The following SNX29 variants were observed in gnomAD, a reference collection of about 807,000 sequenced individuals.
The protein encoded by SNX29 is sorting nexin-29.
In SNX29, 78 loss-of-function variants were observed where a neutral mutation model predicts 102.1. That is an observed-to-expected ratio of 0.76 (90% CI 0.64 to 0.92). SNX29 has a LOEUF of 0.92. Among genes scored for constraint, SNX29 ranks in the 40% least tolerant of loss-of-function variants. The probability of loss-of-function intolerance (pLI) is 0.00; values close to 1 mark genes in which losing one functional copy is unlikely to be tolerated. For missense variants in SNX29, 1,280 were observed against 1,061.7 expected (o/e 1.21, Z -2.86); for synonymous variants, 580 against 414.5 (o/e 1.40, Z -4.85).
intron 20 of SNX29, chr16:12,546,690 A>G (rs1165765272): frequency 6.6e-6 from 1 of 152,246 alleles, no homozygotes; most frequent in East Asian, 1.9e-4. Flanking sequence ...ATCCATCTAG[A>G]CCCACTGTGA....
intron 20 of SNX29, among the ~76,000 whole-genome samples, chr16:12,559,353 C>G (rs139949144): frequency 3.3e-5 from 5 of 151,806 alleles, no homozygotes; most frequent in South Asian, 4.2e-4. Flanking sequence ...ATGCTACTTA[C>G]GAGAATCTCA....
chr16:12,130,258 C>T (rs1253154231), intron 13 of SNX29, among the ~76,000 whole-genome samples: 11 of 148,524 alleles, frequency 7.4e-5, no homozygotes, highest in Non-Finnish European at 1.3e-4. Context: ...GGGTGGATCA[C>T]GAGGTCAGGA....
intron 20 of SNX29, among the ~76,000 whole-genome samples, chr16:12,531,870 C>T (rs754565172): frequency 1.1e-4 from 16 of 152,214 alleles, no homozygotes; most frequent in Non-Finnish European, 1.9e-4. Context: ...TTCTCCCAGG[C>T]ATGCCTCAGG....
intron 14 of SNX29, among the ~76,000 whole-genome samples, chr16:12,234,100 T>G (rs945386907): frequency 1.2e-4 from 18 of 152,240 alleles, no homozygotes; most frequent in Non-Finnish European, 2.1e-4. Flanking sequence ...TTCATTTCTC[T>G]CGGGTATAAC....
chr16:12,439,279 G>A (rs1208345059), intron 18 of SNX29, among the ~76,000 whole-genome samples: 1 of 152,162 alleles, frequency 6.6e-6, no homozygotes, highest in Admixed American at 6.5e-5. Flanking sequence ...TGACAAGATA[G>A]TGACACCTAA....
intron 19 of SNX29, among the ~76,000 whole-genome samples, chr16:12,508,558 T>G (rs1193424662): frequency 6.6e-6 from 1 of 152,240 alleles, no homozygotes; most frequent in Non-Finnish European, 1.5e-5. Context: ...GATCTGGATT[T>G]GCAGCTTCCC....
chr16:12,536,078 C>T (rs2077069686), intron 20 of SNX29, among the ~76,000 whole-genome samples: 1 of 152,162 alleles, frequency 6.6e-6, no homozygotes, highest in South Asian at 2.1e-4. Context: ...ATCTAACACA[C>T]CCAGGATGTT....
chr16:12,302,517 A>T (rs1309079098), intron 15 of SNX29, among the ~76,000 whole-genome samples: 4 of 152,214 alleles, frequency 2.6e-5, no homozygotes, highest in Non-Finnish European at 2.9e-5. Flanking sequence ...TTTGTGGTTC[A>T]TAGAGGGCAT....
intron 20 of SNX29, among the ~76,000 whole-genome samples, chr16:12,562,061 C>T (rs1216602074): frequency 2.0e-5 from 3 of 149,490 alleles, no homozygotes; most frequent in South Asian, 2.2e-4. Context: ...TGCCGTTTTC[C>T]TTCCCGTGTT....
At chr16:12,481,469 CATATATACACACAT>C (rs940824120) in intron 19 of SNX29, among the ~76,000 whole-genome samples, 6 of 90,072 alleles carry the variant, frequency 6.7e-5, no homozygotes, top group South Asian at 5.7e-4. Context: ...TATATATACA[CATATATACACACAT>C]ATATATACAC....
At chr16:12,067,928 G>A (rs761996552) in intron 9 of SNX29, among the ~76,000 whole-genome samples, 83 of 152,318 alleles carry the variant, frequency 5.4e-4, no homozygotes, top group Non-Finnish European at 9.3e-4. Flanking sequence ...TCCCTAGCCC[G>A]TTAGTTCCAG....
At chr16:12,091,899 T>G (rs186996067) in intron 11 of SNX29, among the ~76,000 whole-genome samples, 10 of 152,176 alleles carry the variant, frequency 6.6e-5, no homozygotes, top group Non-Finnish European at 8.8e-5. Context: ...CCCGAATCTG[T>G]CGGTGCCTTG....
chr16:12,529,105 TTCCTCCCAGTC>T (rs1282754981), intron 20 of SNX29, among the ~76,000 whole-genome samples: 3 of 152,230 alleles, frequency 2.0e-5, no homozygotes, highest in Admixed American at 6.5e-5. Flanking sequence ...GGTTGAGTTT[TTCCTCCCAGTC>T]TCTGTGCCTC....
chr16:12,527,393 AT>A (rs1457515012), intron 20 of SNX29: 5 of 490,314 alleles, frequency 1.0e-5, no homozygotes, highest in African/African-American at 9.7e-5. Context: ...GCCTAAGGAA[AT>A]AAACCCCCAA....
intron 19 of SNX29, among the ~76,000 whole-genome samples, chr16:12,521,729 C>G (rs1214780510): frequency 6.6e-6 from 1 of 152,208 alleles, no homozygotes; most frequent in South Asian, 2.1e-4. Flanking sequence ...TAACCACCTT[C>G]CCAAGGAAAA....
chr16:11,986,125 TG>T (rs1040939064), intron 1 of SNX29, among the ~76,000 whole-genome samples: 1 of 151,818 alleles, frequency 6.6e-6, no homozygotes, highest in Non-Finnish European at 1.5e-5. Flanking sequence ...TTTCCTGAGG[TG>T]GGAGAGCCAG....
In SNX29 at chr16:11,991,897, C is replaced by T. The variant is rs979004746; in HGVS notation, c.8-7400C>T. ...TGTGATTCAATATGGGGACTGGGTTCTCCATGCAGTTGCCTTGTCTAGCCC... is the reference window on the plus strand; with the variant it reads ...TGTGATTCAATATGGGGACTGGGTTTTCCATGCAGTTGCCTTGTCTAGCCC... On this transcript the variant is annotated intron_variant, in intron 1 of 20. Transcript: ENST00000566228. Among the ~76,000 whole-genome samples, 11 of 152,156 alleles carry T rather than the reference C, an allele frequency of 7.2e-5. 1 individual carries two copies. The highest frequency in any genetic ancestry group is 6.6e-4 in the Admixed American group (10 of 15,262).
chr16:12,141,416 A>T (rs938432192), intron 13 of SNX29, among the ~76,000 whole-genome samples: 8 of 152,246 alleles, frequency 5.3e-5, no homozygotes, highest in African/African-American at 1.9e-4. Context: ...ATCTTGTGCA[A>T]GAAAGAATTC....
intron 14 of SNX29, among the ~76,000 whole-genome samples, chr16:12,201,740 C>T (rs1273604456): frequency 6.6e-6 from 1 of 152,204 alleles, no homozygotes; most frequent in East Asian, 1.9e-4. Context: ...GACAGCACCA[C>T]CACCTTTTGT....
Sources: allele counts gnomAD v4.1 joint callset (sites outside exome capture counted in the v4.1 genomes callset), GRCh38; gene constraint gnomAD v4.1.1; transcripts MANE v1.5; gene names NCBI Gene and HGNC (gene_info 2026-07-23, HGNC 2026-07-21).